WWOX: variants seen among roughly 807,000 people sequenced by gnomAD.
The protein encoded by WWOX is WW domain-containing oxidoreductase.
WWOX carries 69 observed loss-of-function variants against 46.2 expected under a neutral mutation model. The observed-to-expected ratio is 1.49, with a 90% CI of 1.23 to 1.82. The LOEUF is 1.82. Ranked by LOEUF, WWOX falls within the 40% of genes most tolerant of loss-of-function variation. The pLI is 0.00. For missense variants in WWOX, 919 were observed against 542.6 expected (o/e 1.69, Z -6.89); for synonymous variants, 359 against 202.6 (o/e 1.77, Z -6.56).
intron 8 of WWOX, among the ~76,000 whole-genome samples, chr16:78,786,783 C>T (rs1567559165): frequency 6.6e-6 from 1 of 152,198 alleles, no homozygotes; most frequent in Non-Finnish European, 1.5e-5. Context: ...ACATCTTCTA[C>T]ATGCCAAGAA....
intron 8 of WWOX, among the ~76,000 whole-genome samples, chr16:78,534,077 A>G (rs964477651): frequency 2.6e-5 from 4 of 152,224 alleles, no homozygotes; most frequent in Admixed American, 2.6e-4. Context: ...TATTTGGAAA[A>G]TAAATATTAG....
At chr16:78,127,090 A>G (rs568563179) in intron 4 of WWOX, among the ~76,000 whole-genome samples, 2 of 152,300 alleles carry the variant, frequency 1.3e-5, no homozygotes, top group African/African-American at 2.4e-5. Context: ...GACGTGACCT[A>G]GTTTTGAAAC....
At chr16:78,848,916 C>G (rs1256445831) in intron 8 of WWOX, among the ~76,000 whole-genome samples, 1 of 151,972 alleles carries the variant, frequency 6.6e-6, no homozygotes, top group Non-Finnish European at 1.5e-5. Flanking sequence ...AGTTAGTACG[C>G]TTCTTTTTCT....
At chr16:79,087,102 A>T (rs1407755778) in intron 8 of WWOX, among the ~76,000 whole-genome samples, 1 of 152,148 alleles carries the variant, frequency 6.6e-6, no homozygotes, top group Non-Finnish European at 1.5e-5. Context: ...AAGGATGGAG[A>T]TGGGAATTGC....
At chr16:78,466,184 A>T (rs2084072717) in intron 8 of WWOX, among the ~76,000 whole-genome samples, 1 of 152,014 alleles carries the variant, frequency 6.6e-6, no homozygotes, top group African/African-American at 2.4e-5. Context: ...GGTGCCCGCC[A>T]CCATGCTTGG....
At chr16:78,596,506 G>C (rs900830629) in intron 8 of WWOX, among the ~76,000 whole-genome samples, 78 of 152,012 alleles carry the variant, frequency 5.1e-4, no homozygotes, top group African/African-American at 1.7e-3. Flanking sequence ...TGACTTCCAA[G>C]ATTGAGGTTG....
At chr16:79,037,241 C>G (rs1043691633) in intron 8 of WWOX, among the ~76,000 whole-genome samples, 2 of 152,218 alleles carry the variant, frequency 1.3e-5, no homozygotes, top group Admixed American at 6.5e-5. Context: ...TTCTCTCTCT[C>G]TCGCTCCTGC....
intron 5 of WWOX, among the ~76,000 whole-genome samples, chr16:78,257,812 A>G (rs1597409980): frequency 6.6e-6 from 1 of 152,344 alleles, no homozygotes; most frequent in Middle Eastern, 3.4e-3. Flanking sequence ...GCCTTCTAAG[A>G]CTTAGATTCT....
chr16:79,035,093 C>G (rs552220858), intron 8 of WWOX, among the ~76,000 whole-genome samples: 1 of 152,248 alleles, frequency 6.6e-6, no homozygotes, highest in African/African-American at 2.4e-5. Flanking sequence ...AACAAACAAA[C>G]AAATAAATAC....
intron 8 of WWOX, among the ~76,000 whole-genome samples, chr16:78,457,618 A>G (rs751524977): frequency 6.6e-6 from 1 of 152,126 alleles, no homozygotes; most frequent in Non-Finnish European, 1.5e-5. Context: ...ACGCACATGA[A>G]AATAACATGA....
chr16:78,487,501 C>T (rs1195513131), intron 8 of WWOX, among the ~76,000 whole-genome samples: 3 of 152,110 alleles, frequency 2.0e-5, no homozygotes, highest in Non-Finnish European at 4.4e-5. Flanking sequence ...TGAGGGTTTG[C>T]GAGAGGCATG....
At position 78,991,651 on chromosome 16, in the gene WWOX, G is replaced by T. The variant is rs376858197; in HGVS notation, c.1057-219957G>T. On this transcript the variant is annotated intron_variant, in intron 8 of 8. Transcript: ENST00000566780. ...CCACCTACCAGTGGTGGGGCCCCTT[G>T]GGTAACTTGTTTTCACTCCCTCAGA... is the stretch of plus-strand genomic sequence containing the variant. Among the ~76,000 whole-genome samples, 7 of 151,010 alleles carry T rather than the reference G, an allele frequency of 4.6e-5. No individual in the cohort carries two copies. In the East Asian group the frequency reaches 9.7e-4, roughly 21 times the overall value.
In WWOX at chr16:79,031,912, ATATC is replaced by A. The variant is rs1158809724; in HGVS notation, c.1057-179692_1057-179689del. ...TGTATACAGATATCTATATATATAG[ATATC>A]TATATATATAGATATCTGTATACAG... On this transcript the variant is annotated intron_variant, in intron 8 of 8. Coordinates refer to ENST00000566780, the MANE Select transcript of WWOX (RefSeq NM_016373.4). 4.0e-5 allele frequency among the ~76,000 whole-genome samples: 5 copies of A among 123,624 alleles called. No individual in the cohort carries two copies. In the Admixed American group the frequency reaches 4.2e-4, roughly 10 times the overall value. 81.1% of individuals were successfully genotyped at this position (123,624 alleles called of 152,430 possible). A position where few individuals can be genotyped will look rare whatever the true frequency, so the allele number is the denominator to read the frequency against.
At chr16:79,073,058 A>G (rs1279121322) in intron 8 of WWOX, among the ~76,000 whole-genome samples, 1 of 152,134 alleles carries the variant, frequency 6.6e-6, no homozygotes, top group Non-Finnish European at 1.5e-5. Flanking sequence ...TGAGAGTTGC[A>G]GAATCTGTGT....
chr16:78,854,693 G>A (rs546612390), intron 8 of WWOX, among the ~76,000 whole-genome samples: 478 of 152,244 alleles, frequency 3.1e-3, no homozygotes, highest in Non-Finnish European at 5.4e-3. Flanking sequence ...TGATTCTCCT[G>A]CCTCAGCCTC....
At chr16:78,960,337 C>G (rs1219517578) in intron 8 of WWOX, among the ~76,000 whole-genome samples, 1 of 152,194 alleles carries the variant, frequency 6.6e-6, no homozygotes, top group African/African-American at 2.4e-5. Flanking sequence ...GTGGTATATT[C>G]AAAACTAAGT....
intron 8 of WWOX, among the ~76,000 whole-genome samples, chr16:78,581,714 T>C (rs2045059888): frequency 6.6e-6 from 1 of 152,320 alleles, no homozygotes; most frequent in East Asian, 1.9e-4. Context: ...TGCCTTAACT[T>C]ACCAAGGTTA....
At chr16:78,620,122 G>T (rs898572884) in intron 8 of WWOX, among the ~76,000 whole-genome samples, 1 of 152,178 alleles carries the variant, frequency 6.6e-6, no homozygotes, top group Non-Finnish European at 1.5e-5. Flanking sequence ...AGTTGATGAG[G>T]ATGGTGTACC....
chr16:79,159,909 C>T (rs2050452008), intron 8 of WWOX, among the ~76,000 whole-genome samples: 1 of 152,108 alleles, frequency 6.6e-6, no homozygotes, highest in African/African-American at 2.4e-5. Flanking sequence ...AGAGGATCTT[C>T]ATTTGGAGGG....
Sources: gnomAD v4.1 joint callset for allele counts (sites outside exome capture counted in the v4.1 genomes callset) on GRCh38, gnomAD v4.1.1 for gene constraint, MANE v1.5 for transcripts, NCBI Gene and HGNC (gene_info 2026-07-23, HGNC 2026-07-21) for gene names.